Variants in GALNT13 observed in about 807,000 individuals in gnomAD.
GALNT13 encodes UDP-GalNAc:polypeptide N-acetylgalactosaminyltransferase 13.
In GALNT13, 28 loss-of-function variants were observed where a neutral mutation model predicts 64.2. The observed-to-expected ratio is 0.44, with a 90% CI of 0.32 to 0.60. The LOEUF is 0.60. Among genes scored for constraint, GALNT13 ranks in the 20% least tolerant of loss-of-function variants. The probability of loss-of-function intolerance (pLI) is 0.05; values close to 1 mark genes in which losing one functional copy is unlikely to be tolerated. For missense variants in GALNT13, 577 were observed against 669.8 expected (o/e 0.86, Z 1.53); for synonymous variants, 214 against 224.6 (o/e 0.95, Z 0.42).
the GALNT13 span, among the ~76,000 whole-genome samples, chr2:153,676,389 A>G: frequency 6.6e-6 from 1 of 152,146 alleles, no homozygotes; most frequent in South Asian, 2.1e-4. Context: ...GCCAACCAAA[A>G]AAAGTCCAGG....
chr2:153,072,417 A>C, the GALNT13 span, among the ~76,000 whole-genome samples: 5,373 of 152,236 alleles, frequency 0.035, 197 homozygotes, highest in East Asian at 0.17. Flanking sequence ...TCTTCCTCCA[A>C]AAGGAAGAAA....
chr2:154,181,349 C>A (rs1028162525), intron 4 of GALNT13, among the ~76,000 whole-genome samples: 1 of 152,024 alleles, frequency 6.6e-6, no homozygotes, highest in African/African-American at 2.4e-5. Flanking sequence ...GAAGAGAAAA[C>A]ACTCCTCAGC....
the GALNT13 span, among the ~76,000 whole-genome samples, chr2:153,120,176 T>C: frequency 0.015 from 2,343 of 152,308 alleles, 26 homozygotes; most frequent in Middle Eastern, 0.071. Context: ...GCTCTGGGCC[T>C]CTGGTAATCT....
the GALNT13 span, among the ~76,000 whole-genome samples, chr2:153,712,686 C>G: frequency 1.3e-5 from 2 of 152,228 alleles, no homozygotes; most frequent in South Asian, 4.1e-4. Flanking sequence ...TTCAAATTCA[C>G]AAGCAACTTT....
At chr2:153,379,846 A>C in the GALNT13 span, among the ~76,000 whole-genome samples, 1 of 152,190 alleles carries the variant, frequency 6.6e-6, no homozygotes, top group African/African-American at 2.4e-5. Flanking sequence ...AGAAAGATAC[A>C]GTTTTTATAT....
At chr2:153,147,286 A>G in the GALNT13 span, among the ~76,000 whole-genome samples, 22 of 151,954 alleles carry the variant, frequency 1.4e-4, no homozygotes, top group African/African-American at 4.8e-4. Context: ...TGTGGCTAGA[A>G]TTGTCTAGAA....
chr2:153,441,191 T>C, the GALNT13 span, among the ~76,000 whole-genome samples: 1 of 152,210 alleles, frequency 6.6e-6, no homozygotes, highest in African/African-American at 2.4e-5. Context: ...CCAATGACAT[T>C]TATTAAATAG....
At chr2:153,366,251 G>A in the GALNT13 span, among the ~76,000 whole-genome samples, 5 of 152,106 alleles carry the variant, frequency 3.3e-5, no homozygotes, top group African/African-American at 9.7e-5. Flanking sequence ...AAGATGGAGG[G>A]TGAGGGGAAG....
chr2:154,354,816 A>T (rs997382551), intron 9 of GALNT13, among the ~76,000 whole-genome samples: 11 of 151,998 alleles, frequency 7.2e-5, no homozygotes, highest in Non-Finnish European at 1.5e-4. Context: ...TCGTGATTTT[A>T]AATTATAATT....
chr2:154,351,549 G>A (rs576565811), intron 9 of GALNT13, among the ~76,000 whole-genome samples: 1 of 152,024 alleles, frequency 6.6e-6, no homozygotes, highest in East Asian at 1.9e-4. Context: ...CGGGCATGGT[G>A]GCGGGCACCT....
At position 154,446,967 on chromosome 2, in the gene GALNT13, G is replaced by A. The variant is rs373643010; in HGVS notation, c.1531-3444G>A. ...AAGTTGTGTTTAGTCTATCCTTAAT[G>A]AGTAGGGGTTTTTTTGTTTTTTTTC... On this transcript the variant is annotated intron_variant, in intron 12 of 12. Coordinates refer to ENST00000392825, the MANE Select transcript of GALNT13 (RefSeq NM_052917.4). Among the ~76,000 whole-genome samples, 4 of 140,646 alleles carry A rather than the reference G, an allele frequency of 2.8e-5. No individual in the cohort carries two copies. In the East Asian group the frequency reaches 5.9e-4, roughly 21 times the overall value. 92.3% of individuals were successfully genotyped at this position (140,646 alleles called of 152,430 possible). A position where few individuals can be genotyped will look rare whatever the true frequency, so the allele number is the denominator to read the frequency against.
chr2:153,354,872 C>T, the GALNT13 span, among the ~76,000 whole-genome samples: 19,643 of 152,226 alleles, frequency 0.13, 1,375 homozygotes, highest in Non-Finnish European at 0.16. Flanking sequence ...GTTATCCTAA[C>T]GCATTGATGC....
intron 9 of GALNT13, among the ~76,000 whole-genome samples, chr2:154,335,275 A>G (rs893683501): frequency 6.6e-6 from 1 of 152,012 alleles, no homozygotes; most frequent in African/African-American, 2.4e-5. Context: ...GGCATTATTA[A>G]TATACATTTC....
At chr2:153,082,602 T>C in the GALNT13 span, among the ~76,000 whole-genome samples, 8 of 45,532 alleles carry the variant, frequency 1.8e-4, no homozygotes, top group African/African-American at 7.9e-4. Flanking sequence ...TATATATATA[T>C]ATATATATAT....
the GALNT13 span, among the ~76,000 whole-genome samples, chr2:153,343,929 T>G: frequency 6.6e-6 from 1 of 152,188 alleles, no homozygotes. Flanking sequence ...AGTTCAAATA[T>G]AATTCTCTAT....
chr2:153,123,744 C>T, the GALNT13 span, among the ~76,000 whole-genome samples: 6 of 152,270 alleles, frequency 3.9e-5, no homozygotes, highest in Admixed American at 3.3e-4. Context: ...GGGCCAAATA[C>T]AGAGCCTTCA....
chr2:153,345,635 TTTTCTTTCTTTCTTTCTTTCTTTC>T, the GALNT13 span, among the ~76,000 whole-genome samples: 136 of 68,860 alleles, frequency 2.0e-3, 2 homozygotes, highest in East Asian at 4.8e-3. Context: ...TTTCCTTTCT[TTTTCTTTCTTTCTTTCTTTCTTTC>T]TTTCTTTCTT....
chr2:154,395,799 G>C (rs1295981267), intron 9 of GALNT13, among the ~76,000 whole-genome samples, 192 bp from the exon 10 acceptor site: 2 of 152,146 alleles, frequency 1.3e-5, no homozygotes, highest in African/African-American at 4.8e-5. Flanking sequence ...CATAACCAAT[G>C]GGAGAAGTGT....
chr2:153,105,703 A>T, the GALNT13 span, among the ~76,000 whole-genome samples: 1 of 152,164 alleles, frequency 6.6e-6, no homozygotes, highest in African/African-American at 2.4e-5. Flanking sequence ...TACAAAAATC[A>T]CAAGCATTCT....
Sources: allele counts gnomAD v4.1 joint callset (sites outside exome capture counted in the v4.1 genomes callset), GRCh38; gene constraint gnomAD v4.1.1; transcripts MANE v1.5; gene names NCBI Gene and HGNC (gene_info 2026-07-23, HGNC 2026-07-21).